Variants in ELMO1 observed in about 807,000 individuals in gnomAD.
ELMO1 encodes the protein engulfment and cell motility 1.
In ELMO1, 26 loss-of-function variants were observed where a neutral mutation model predicts 98.9. The observed-to-expected ratio is 0.26, with a 90% CI of 0.19 to 0.36. The LOEUF (loss-of-function observed/expected upper bound fraction) is 0.36. ELMO1 is among the 10% of genes least tolerant of loss of function. The probability of loss-of-function intolerance (pLI) is 1.00; values close to 1 mark genes in which losing one functional copy is unlikely to be tolerated. For synonymous variants in ELMO1, 346 were observed against 346.0 expected (o/e 1.00, Z 0.00); for missense variants, 627 against 935.2 (o/e 0.67, Z 4.30).
chr7:37,034,665 C>G (rs1795078581), intron 15 of ELMO1, among the ~76,000 whole-genome samples: 1 of 152,070 alleles, frequency 6.6e-6, no homozygotes, highest in African/African-American at 2.4e-5. Flanking sequence ...CTTACTGGTC[C>G]TTATGACTCC....
intron 14 of ELMO1, among the ~76,000 whole-genome samples, chr7:37,123,592 C>A (rs200530110): frequency 0.06 from 9,047 of 152,038 alleles, 402 homozygotes; most frequent in Admixed American, 0.12. Flanking sequence ...ACCAGGAAGA[C>A]GTTGAATCTC....
intron 13 of ELMO1, among the ~76,000 whole-genome samples, chr7:37,178,211 C>G (rs1718367683): frequency 6.6e-6 from 1 of 151,884 alleles, no homozygotes; most frequent in African/African-American, 2.4e-5. Context: ...GGAGGCCTCA[C>G]AATCATGGCG....
At chr7:37,308,890 G>T (rs1798750153) in intron 4 of ELMO1, among the ~76,000 whole-genome samples, 1 of 152,124 alleles carries the variant, frequency 6.6e-6, no homozygotes, top group African/African-American at 2.4e-5. Flanking sequence ...TTGGTCATCA[G>T]GCAAAAAGGA....
intron 13 of ELMO1, among the ~76,000 whole-genome samples, chr7:37,168,108 T>C (rs4357203): frequency 0.7 from 103,221 of 147,628 alleles, 38,486 homozygotes; most frequent in Non-Finnish European, 0.83. Flanking sequence ...ATCACTGATA[T>C]CCTTTCTTCC....
rs193278209 is a variant in ELMO1, at chr7:37,142,462, C to T, written c.1087-9228G>A. ...CCGGTTCTACTGATGAGGAAACTGC[C>T]GCTCAGATGAGTTTGGAAGCTTGCC... is the stretch of plus-strand genomic sequence containing the variant. On this transcript the variant is annotated intron_variant, in intron 13 of 21. Coordinates refer to ENST00000310758, the MANE Select transcript of ELMO1 (RefSeq NM_014800.11). Among the ~76,000 whole-genome samples the T allele has an allele frequency of 9.9e-4, 151 of 152,288 alleles. 1 individual carries two copies. The highest frequency in any genetic ancestry group is 4.4e-4 in the Non-Finnish European group (30 of 68,024).
At chr7:36,884,407 A>G (rs766681754) in intron 18 of ELMO1, among the ~76,000 whole-genome samples, 1 of 152,182 alleles carries the variant, frequency 6.6e-6, no homozygotes, top group Non-Finnish European at 1.5e-5. Context: ...GCCAAGCATC[A>G]AAGTGCTATA....
intron 20 of ELMO1, chr7:36,861,951 T>C (rs1449654477): frequency 1.7e-6 from 1 of 578,936 alleles, no homozygotes. Flanking sequence ...CTCATTTAAT[T>C]CGCATGCAGC....
intron 16 of ELMO1, among the ~76,000 whole-genome samples, chr7:36,978,235 A>T (rs554692907): frequency 1.6e-4 from 24 of 151,982 alleles, no homozygotes; most frequent in African/African-American, 5.5e-4. Context: ...TGGCTCATGG[A>T]GCCCAGAGGT....
At chr7:37,339,221 C>T (rs1221153852) in intron 2 of ELMO1, among the ~76,000 whole-genome samples, 1 of 152,190 alleles carries the variant, frequency 6.6e-6, no homozygotes, top group Non-Finnish European at 1.5e-5. Flanking sequence ...AAAAGCCCTG[C>T]CCCTGGCCAG....
intron 13 of ELMO1, among the ~76,000 whole-genome samples, chr7:37,152,728 G>A (rs1167665628): frequency 1.3e-5 from 2 of 152,154 alleles, no homozygotes; most frequent in East Asian, 3.8e-4. Flanking sequence ...AAGGAGAAAA[G>A]GCTCTGGTTT....
intron 16 of ELMO1, among the ~76,000 whole-genome samples, chr7:36,909,583 C>G (rs1023344014): frequency 6.6e-6 from 1 of 152,248 alleles, no homozygotes; most frequent in South Asian, 2.1e-4. Context: ...GTTCTTTTTT[C>G]GTGTGTGTGG....
chr7:37,077,180 G>A (rs998499725), intron 15 of ELMO1, among the ~76,000 whole-genome samples: 2 of 152,160 alleles, frequency 1.3e-5, no homozygotes, highest in South Asian at 2.1e-4. Context: ...TGGAGCTGGC[G>A]GGAGAAAAGC....
chr7:36,999,319 T>C (rs1458036617), intron 16 of ELMO1, among the ~76,000 whole-genome samples: 2 of 152,218 alleles, frequency 1.3e-5, no homozygotes, highest in Non-Finnish European at 2.9e-5. Context: ...ACTACAAATT[T>C]TGCCATTCAG....
chr7:37,248,404 G>A (rs1165063306), intron 6 of ELMO1, among the ~76,000 whole-genome samples: 1 of 152,066 alleles, frequency 6.6e-6, no homozygotes, highest in East Asian at 1.9e-4. Flanking sequence ...TTACCAGAGT[G>A]AAGGACAAAG....
At chr7:37,173,231 C>T (rs1472529948) in intron 13 of ELMO1, among the ~76,000 whole-genome samples, 1 of 152,150 alleles carries the variant, frequency 6.6e-6, no homozygotes, top group African/African-American at 2.4e-5. Flanking sequence ...TATGTGATAT[C>T]CTGTATTCTC....
intron 1 of ELMO1, among the ~76,000 whole-genome samples, chr7:37,406,801 C>T (rs1318748755): frequency 6.6e-6 from 1 of 152,062 alleles, no homozygotes; most frequent in Non-Finnish European, 1.5e-5. Context: ...GCTAGAGGAT[C>T]TCAAAGGTCC....
chr7:37,116,003 T>G (rs1264367946), intron 14 of ELMO1, among the ~76,000 whole-genome samples: 1 of 152,206 alleles, frequency 6.6e-6, no homozygotes, highest in African/African-American at 2.4e-5. Context: ...ATACGAACCC[T>G]CTGTACTTTT....
At chr7:36,990,288 G>A (rs1791789385) in intron 16 of ELMO1, among the ~76,000 whole-genome samples, 1 of 152,156 alleles carries the variant, frequency 6.6e-6, no homozygotes, top group African/African-American at 2.4e-5. Flanking sequence ...CTCAAAAAGA[G>A]GGAAACCTAG....
chr7:37,351,679 T>C (rs1801274414), intron 1 of ELMO1, among the ~76,000 whole-genome samples: 1 of 152,214 alleles, frequency 6.6e-6, no homozygotes, highest in Non-Finnish European at 1.5e-5. Flanking sequence ...TCAGCTTGAG[T>C]TGTTTCTGTC....
Sources: allele counts gnomAD v4.1 joint callset (sites outside exome capture counted in the v4.1 genomes callset), GRCh38; gene constraint gnomAD v4.1.1; transcripts MANE v1.5; gene names NCBI Gene and HGNC (gene_info 2026-07-23, HGNC 2026-07-21).